CACNA1C: variants seen among roughly 807,000 people sequenced by gnomAD.
CACNA1C encodes calcium voltage-gated channel subunit alpha1 C.
Under a neutral mutation model 229.0 loss-of-function variants are expected in CACNA1C, and 30 were observed. That is an observed-to-expected ratio of 0.13 (90% CI 0.10 to 0.18). CACNA1C has a LOEUF of 0.18. Among genes scored for constraint, CACNA1C ranks in the 10% least tolerant of loss-of-function variants. The pLI is 1.00. For missense variants in CACNA1C, 1,658 were observed against 2,845.0 expected, an observed-to-expected ratio of 0.58 and a Z score of 9.49; for synonymous variants, 1,114 against 1,132.5, an observed-to-expected ratio of 0.98 and a Z score of 0.33.
chr12:2,273,452 T>C (rs377233733), intron 3 of CACNA1C, among the ~76,000 whole-genome samples: 1 of 152,244 alleles, frequency 6.6e-6, no homozygotes, highest in African/African-American at 2.4e-5. Context: ...AGTACAGGGC[T>C]GGCAGAGAAG....
intron 1 of CACNA1C, among the ~76,000 whole-genome samples, chr12:2,006,688 G>A (rs2043526870): frequency 1.3e-5 from 2 of 152,138 alleles, no homozygotes; most frequent in Non-Finnish European, 2.9e-5. Context: ...GCTGCATTTT[G>A]GAGTCTCAGT....
intron 3 of CACNA1C, among the ~76,000 whole-genome samples, chr12:2,160,145 T>C (rs1176573856): frequency 6.6e-6 from 1 of 152,222 alleles, no homozygotes; most frequent in African/African-American, 2.4e-5. Flanking sequence ...CCTAGTGCGA[T>C]GTCAGGGAGG....
chr12:2,084,417 A>G (rs1463767358), intron 1 of CACNA1C, among the ~76,000 whole-genome samples: 1 of 152,208 alleles, frequency 6.6e-6, no homozygotes, highest in Non-Finnish European at 1.5e-5. Context: ...AGCAAACAAA[A>G]TATATTTACT....
At chr12:2,077,580 A>C (rs2063685720) in intron 1 of CACNA1C, among the ~76,000 whole-genome samples, 1 of 152,194 alleles carries the variant, frequency 6.6e-6, no homozygotes, top group African/African-American at 2.4e-5. Flanking sequence ...GAGTGTGAAC[A>C]AAGGAGAGAA....
chr12:2,269,410 A>T (rs1044551089), intron 3 of CACNA1C, among the ~76,000 whole-genome samples: 1 of 152,162 alleles, frequency 6.6e-6, no homozygotes, highest in African/African-American at 2.4e-5. Context: ...TGATGAAGGA[A>T]GGTTTAGGGT....
intron 9 of CACNA1C, among the ~76,000 whole-genome samples, chr12:2,534,571 A>C (rs978148633): frequency 6.6e-6 from 1 of 152,184 alleles, no homozygotes; most frequent in Non-Finnish European, 1.5e-5. Context: ...GAAATCTTAG[A>C]GATCTCCTCT....
chr12:2,653,790 C>G lies in CACNA1C; in HGVS notation c.4075-45C>G. The G allele has an allele frequency of 1.3e-6, 2 of 1,548,278 alleles. No homozygotes were observed. Among genetic ancestry groups the G allele is most frequent in the South Asian group, 1.1e-5 (1 of 89,456 alleles). ...GCTCCCTGGGAAGGGGCCCAGCTGG[C>G]CTCTGCACTCCAGCCTCATGGGAGT... On this transcript the variant is annotated intron_variant, in intron 32 of 46. Transcript: ENST00000399655. This position sits in a 1 kb window ranked among gnomAD's most constrained non-coding sequence, Gnocchi z 4.7.
At chr12:2,036,321 A>C (rs1288389229) in intron 1 of CACNA1C, among the ~76,000 whole-genome samples, 1 of 152,118 alleles carries the variant, frequency 6.6e-6, no homozygotes, top group Non-Finnish European at 1.5e-5. Context: ...TCCAGAAGTC[A>C]CTTCAGGGTA....
intron 3 of CACNA1C, among the ~76,000 whole-genome samples, chr12:2,163,675 A>G (rs972335192): frequency 3.3e-5 from 5 of 152,184 alleles, no homozygotes; most frequent in Non-Finnish European, 5.9e-5. Context: ...CGAGTTGACC[A>G]TGGCTGAGTC....
intron 3 of CACNA1C, among the ~76,000 whole-genome samples, chr12:2,290,832 A>G (rs1258118646): frequency 2.6e-5 from 4 of 152,190 alleles, no homozygotes; most frequent in Non-Finnish European, 5.9e-5. Flanking sequence ...TGTTCCAGGA[A>G]TGGAATTCCC....
At chr12:2,371,724 CT>C (rs61627008) in intron 3 of CACNA1C, among the ~76,000 whole-genome samples, 1,427 of 128,900 alleles carry the variant, frequency 0.011, 3 homozygotes, top group Non-Finnish European at 0.016. Context: ...TGACATATGG[CT>C]TTTTTTTTTT....
At chr12:2,136,468 C>T (rs2093505183) in intron 3 of CACNA1C, among the ~76,000 whole-genome samples, 1 of 151,426 alleles carries the variant, frequency 6.6e-6, no homozygotes, top group African/African-American at 2.4e-5. Context: ...CTTTTAACTG[C>T]TATGCTGTGT....
chr12:2,540,123 C>T (rs897333764), intron 9 of CACNA1C, among the ~76,000 whole-genome samples: 12 of 152,172 alleles, frequency 7.9e-5, no homozygotes, highest in African/African-American at 2.7e-4. Context: ...CGGGTCCACC[C>T]ACGGACGTCC....
intron 3 of CACNA1C, among the ~76,000 whole-genome samples, chr12:2,157,845 A>C (rs1321636703): frequency 6.6e-6 from 1 of 152,226 alleles, no homozygotes; most frequent in African/African-American, 2.4e-5. Flanking sequence ...TAAAAAAAAC[A>C]CATTATTTTC....
intron 3 of CACNA1C, among the ~76,000 whole-genome samples, chr12:2,282,837 A>G (rs539382795): frequency 1.3e-5 from 2 of 152,342 alleles, no homozygotes; most frequent in Admixed American, 6.5e-5. Context: ...CAGCAGCTCA[A>G]GATGCCACTG....
chr12:2,507,836 C>T (rs569189817), intron 8 of CACNA1C, among the ~76,000 whole-genome samples: 1 of 152,330 alleles, frequency 6.6e-6, no homozygotes, highest in Admixed American at 6.5e-5. Flanking sequence ...TCACTTCTAT[C>T]CCTGACCTCT....
At chr12:2,516,167 G>C (rs1378188994) in intron 9 of CACNA1C, among the ~76,000 whole-genome samples, 1 of 152,196 alleles carries the variant, frequency 6.6e-6, no homozygotes, top group African/African-American at 2.4e-5. Flanking sequence ...GGAAGGAAAA[G>C]CACCATGCAG....
chr12:2,555,264 G>A (rs574837412), intron 10 of CACNA1C, among the ~76,000 whole-genome samples: 15 of 152,336 alleles, frequency 9.8e-5, no homozygotes, highest in South Asian at 2.1e-4. Context: ...CTTGTGACCC[G>A]CTTGCACTGT....
At chr12:2,097,489 G>A (rs536588447) in intron 1 of CACNA1C, among the ~76,000 whole-genome samples, 3 of 152,168 alleles carry the variant, frequency 2.0e-5, no homozygotes, top group South Asian at 2.1e-4. Context: ...TTTCCATAGC[G>A]GTTGCACCAT....
Sources: gnomAD v4.1 joint callset for allele counts (sites outside exome capture counted in the v4.1 genomes callset) on GRCh38, gnomAD v4.1.1 for gene constraint, Gnocchi (gnomAD v3.1) non-coding constraint, MANE v1.5 for transcripts, NCBI Gene and HGNC (gene_info 2026-07-23, HGNC 2026-07-21) for gene names.